The following SLAMF9 variants were observed in gnomAD, a reference collection of about 807,000 sequenced individuals.
SLAMF9 encodes the protein CD2 family member 10.
A neutral mutation model predicts 30.4 loss-of-function variants in SLAMF9; 25 were observed. That is an observed-to-expected ratio of 0.82 (90% CI 0.60 to 1.15). The LOEUF is 1.15. Ranked by LOEUF, SLAMF9 falls within the 50% of genes most tolerant of loss-of-function variation. The probability of loss-of-function intolerance (pLI) is 0.00; values close to 1 mark genes in which losing one functional copy is unlikely to be tolerated. For missense variants in SLAMF9, 344 were observed against 346.1 expected, an observed-to-expected ratio of 0.99 and a Z score of 0.05; for synonymous variants, 129 against 127.2, an observed-to-expected ratio of 1.01 and a Z score of -0.09.
At chr1:159,967,254 C>T in the SLAMF9 span, among the ~76,000 whole-genome samples, 3 of 152,166 alleles carry the variant, frequency 2.0e-5, no homozygotes, top group Non-Finnish European at 4.4e-5. Flanking sequence ...ACTTGTCTTA[C>T]ATTTGTTATT....
intron 1 of SLAMF9, 37 bp downstream of exon 1, chr1:159,954,055 G>C: frequency 6.2e-7 from 1 of 1,613,396 alleles, no homozygotes; most frequent in East Asian, 2.2e-5. Flanking sequence ...AGAGGTGTAG[G>C]GGACATTCCT....
At chr1:159,962,459 A>G in the SLAMF9 span, among the ~76,000 whole-genome samples, 3 of 152,186 alleles carry the variant, frequency 2.0e-5, no homozygotes, top group Non-Finnish European at 4.4e-5. Flanking sequence ...GAGCAGATCC[A>G]GTAGGAATAG....
the SLAMF9 span, among the ~76,000 whole-genome samples, chr1:159,979,455 G>A: frequency 1.3e-5 from 2 of 152,336 alleles, no homozygotes; most frequent in East Asian, 3.8e-4. Flanking sequence ...CCTTGGGTAA[G>A]CAGGCTTAGA....
the SLAMF9 span, among the ~76,000 whole-genome samples, chr1:159,964,496 G>C: frequency 6.6e-6 from 1 of 152,150 alleles, no homozygotes; most frequent in Non-Finnish European, 1.5e-5. Flanking sequence ...TTCACACAGG[G>C]AGTTCTGATG....
upstream of SLAMF9, among the ~76,000 whole-genome samples, chr1:159,954,828 C>A (rs1442324502): frequency 1.3e-5 from 2 of 152,278 alleles, no homozygotes; most frequent in East Asian, 3.9e-4. Context: ...TCTGGAATCC[C>A]AGCACTTTGG....
the SLAMF9 span, chr1:159,965,500 G>A: frequency 7.9e-5 from 12 of 152,306 alleles, no homozygotes; most frequent in African/African-American, 1.4e-4. Flanking sequence ...CATCTCCAGC[G>A]AGGCTCCTTC....
chr1:159,969,993 G>A, the SLAMF9 span, among the ~76,000 whole-genome samples: 2 of 152,130 alleles, frequency 1.3e-5, no homozygotes, highest in Non-Finnish European at 2.9e-5. Flanking sequence ...AGGGGGAGTG[G>A]AGACTGCAGT....
chr1:159,954,218 T>G lies in SLAMF9; in HGVS notation c.-81A>C. On this transcript the variant is annotated 5_prime_UTR_variant, in exon 1 of 4. Coordinates refer to ENST00000368093, the MANE Select transcript of SLAMF9 (RefSeq NM_033438.4). ...GCAGAAGACTGCATTAGGAGGCTCC[T>G]AGACACAAAGAGCCTGACTGATGGT... 6.5e-7 allele frequency: 1 copy of G among 1,531,094 alleles called. No homozygotes were observed. Among genetic ancestry groups the G allele is most frequent in the Non-Finnish European group, 9.0e-7 (1 of 1,111,716 alleles). 94.8% of individuals were successfully genotyped at this position (1,531,094 alleles called of 1,614,324 possible).
intron 2 of SLAMF9, 87 bp from the exon 3 acceptor site, chr1:159,952,621 C>CATTAG: frequency 9.3e-6 from 13 of 1,398,426 alleles, no homozygotes; most frequent in South Asian, 1.3e-5. Flanking sequence ...GGTACTAATG[C>CATTAG]TACCCCTTGA....
the SLAMF9 span, chr1:159,973,920 T>A: frequency 5.6e-6 from 9 of 1,612,538 alleles, no homozygotes; most frequent in Non-Finnish European, 5.9e-6. Context: ...GGACAGAGTC[T>A]GGTTTTCCTT....
chr1:159,962,701 G>A, the SLAMF9 span, among the ~76,000 whole-genome samples: 3 of 152,160 alleles, frequency 2.0e-5, no homozygotes, highest in East Asian at 1.9e-4. Context: ...CAGTGGCTTC[G>A]ATTTTCTCTG....
chr1:159,960,173 AC>A, the SLAMF9 span, among the ~76,000 whole-genome samples: 2 of 30,484 alleles, frequency 6.6e-5, no homozygotes, highest in Non-Finnish European at 1.3e-4. Flanking sequence ...CCCTCCCCCC[AC>A]CCCACAACAG....
chr1:159,954,118 A>G lies in SLAMF9; in HGVS notation c.20T>C (p.Leu7Pro). The part of the protein sequence containing the change: MCAFPW[L>P]LLLLLLQEGS... The stretch of plus-strand genomic sequence containing the variant: ...CTCCTGGAGCAGCAGGAGAAGAAGC[A>G]GCCAAGGAAAGGCACACATGTCAGC... The change falls in exon 1 of 4, where the codon CTG becomes CCG. Residue 7 changes from leucine to proline, a missense_variant. Transcript: ENST00000368093. 6.2e-7 allele frequency: 1 copy of G among 1,614,130 alleles called. No homozygotes were observed. Among genetic ancestry groups the G allele is most frequent in the South Asian group, 1.1e-5 (1 of 91,084 alleles).
chr1:159,954,109 A>G lies in SLAMF9; in HGVS notation c.29T>C (p.Leu10Pro). MCAFPWLLL[L>P]LLLQEGSQRR... ...TCACTCACCCTCCTGGAGCAGCAGG[A>G]GAAGAAGCAGCCAAGGAAAGGCACA... The change falls in exon 1 of 4, where the codon CTC becomes CCC. Residue 10 changes from leucine to proline, a missense_variant. By Grantham distance (98) the Leu-to-Pro change is moderately conservative (BLOSUM62 -3). Coordinates refer to ENST00000368093, the MANE Select transcript of SLAMF9 (RefSeq NM_033438.4). 5.0e-6 allele frequency: 8 copies of G among 1,614,068 alleles called. No individual in the cohort carries two copies. The highest frequency in any genetic ancestry group is 6.8e-6 in the Non-Finnish European group (8 of 1,179,998).
the SLAMF9 span, among the ~76,000 whole-genome samples, chr1:159,966,390 A>G: frequency 3.0e-4 from 46 of 152,292 alleles, no homozygotes; most frequent in African/African-American, 1.1e-3. Context: ...CATCTTAGCT[A>G]TTGTACATAA....
At chr1:159,972,964 C>T in the SLAMF9 span, 34 of 1,191,118 alleles carry the variant, frequency 2.9e-5, no homozygotes, top group South Asian at 6.9e-4. Flanking sequence ...TGCCCAGACC[C>T]CTGGGGGCGT....
At chr1:159,972,151 C>T in the SLAMF9 span, among the ~76,000 whole-genome samples, 18 of 152,238 alleles carry the variant, frequency 1.2e-4, no homozygotes, top group African/African-American at 2.6e-4. Flanking sequence ...CACATGCACA[C>T]GAGACTCCAG....
At chr1:159,978,363 A>T in the SLAMF9 span, among the ~76,000 whole-genome samples, 1 of 152,176 alleles carries the variant, frequency 6.6e-6, no homozygotes, top group African/African-American at 2.4e-5. Flanking sequence ...ACAGGACTCC[A>T]GATCTGACGA....
chr1:159,963,751 G>A, the SLAMF9 span, among the ~76,000 whole-genome samples: 1 of 152,092 alleles, frequency 6.6e-6, no homozygotes, highest in East Asian at 1.9e-4. Flanking sequence ...TCATAATCAA[G>A]CTGAGAGCTA....
Sources: gnomAD v4.1 joint callset for allele counts (sites outside exome capture counted in the v4.1 genomes callset) on GRCh38, gnomAD v4.1.1 for gene constraint, MANE v1.5 for transcripts, NCBI Gene and HGNC (gene_info 2026-07-23, HGNC 2026-07-21) for gene names.